KRT86: variants seen among roughly 807,000 people sequenced by gnomAD.
The protein encoded by KRT86 is keratin, type II cuticular Hb6.
KRT86 carries 30 observed loss-of-function variants against 41.2 expected under a neutral mutation model. That is an observed-to-expected ratio of 0.73 (90% CI 0.54 to 0.99). KRT86 has a LOEUF of 0.99. KRT86 is among the 50% of genes least tolerant of loss of function. KRT86 has a pLI of 0.00. For synonymous variants in KRT86, 238 were observed against 238.1 expected, an observed-to-expected ratio of 1.00 and a Z score of 0.00; for missense variants, 561 against 571.4, an observed-to-expected ratio of 0.98 and a Z score of 0.19.
At chr12:52,301,012 C>T (rs562888737) in intron 2 of KRT86, among the ~76,000 whole-genome samples, 1 of 152,032 alleles carries the variant, frequency 6.6e-6, no homozygotes, top group Non-Finnish European at 1.5e-5. Context: ...CCGAGGCTGG[C>T]CAATATGACC....
At chr12:52,278,311 G>A (rs1482579046) in intron 2 of KRT86, among the ~76,000 whole-genome samples, 1 of 152,154 alleles carries the variant, frequency 6.6e-6, no homozygotes, top group African/African-American at 2.4e-5. Flanking sequence ...GAGGTTAAGT[G>A]ACAGCTTTAG....
rs1407195598 is a variant in KRT86, at chr12:52,301,985, C to T, written c.69C>T (p.Gly23=). 21 of 1,613,118 alleles carry T rather than the reference C, an allele frequency of 1.3e-5. 1 individual carries two copies. The Admixed American group carries it at 1.7e-4, about 13-fold the overall frequency. ...TCTCGGCCTGCGGGCCCCGGCCCGG[C>T]CGCTGCTGCATCACCGCCGCCCCCT... is the stretch of plus-strand genomic sequence containing the variant. ...SCISACGPRP[G]RCCITAAPYR... Residue 23 remains glycine (G), a synonymous_variant, in exon 3 of 11, where the codon GGC becomes GGT. Coordinates refer to ENST00000423955, the MANE Select transcript of KRT86 (RefSeq NM_001320198.2).
intron 2 of KRT86, among the ~76,000 whole-genome samples, chr12:52,279,960 T>G (rs1016202602): frequency 6.6e-6 from 1 of 152,128 alleles, no homozygotes; most frequent in Non-Finnish European, 1.5e-5. Context: ...AGGTGGGCCA[T>G]AGACGAGGAA....
chr12:52,304,580 A>G (rs1938457248), intron 5 of KRT86, among the ~76,000 whole-genome samples: 1 of 151,852 alleles, frequency 6.6e-6, no homozygotes, highest in Admixed American at 6.6e-5. Context: ...AAGAACCAGG[A>G]GTAGCCCTTG....
chr12:52,287,985 T>A (rs754935498), intron 2 of KRT86: 2 of 1,614,210 alleles, frequency 1.2e-6, no homozygotes, highest in Non-Finnish European at 1.7e-6. Flanking sequence ...GCCACTCACC[T>A]TGCTGCGGTA....
In KRT86 at chr12:52,291,506, G is replaced by A. The variant is rs189745410; in HGVS notation, c.-4-10407G>A. On this transcript the variant is annotated intron_variant, in intron 2 of 10. Coordinates refer to ENST00000423955, the MANE Select transcript of KRT86 (RefSeq NM_001320198.2). Reference sequence around the variant, plus strand: ...TTGGGTTGCAGAGGACAGGATAGGGGACCTGGAGTCCTGATGGAAACTCCA... The same window carrying A: ...TTGGGTTGCAGAGGACAGGATAGGGAACCTGGAGTCCTGATGGAAACTCCA... 3,180 of 1,608,558 alleles carry A rather than the reference G, an allele frequency of 2.0e-3. 9 individuals are homozygous for A. The highest frequency in any genetic ancestry group is 2.5e-3 in the Non-Finnish European group (2,897 of 1,177,120).
intron 2 of KRT86, among the ~76,000 whole-genome samples, chr12:52,288,660 CTCACCAGCCTT>C (rs1240035508): frequency 6.6e-6 from 1 of 152,130 alleles, no homozygotes; most frequent in Non-Finnish European, 1.5e-5. Flanking sequence ...TTGACCATGC[CTCACCAGCCTT>C]TCACCCCTCC....
At chr12:52,296,363 A>G (rs959270229) in intron 2 of KRT86, among the ~76,000 whole-genome samples, 1 of 152,136 alleles carries the variant, frequency 6.6e-6, no homozygotes, top group Middle Eastern at 3.2e-3. Context: ...GGGAAGCAGC[A>G]CAGCACCAAG....
intron 2 of KRT86, among the ~76,000 whole-genome samples, chr12:52,283,439 T>G (rs1592418613): frequency 7.2e-6 from 1 of 139,404 alleles, no homozygotes; most frequent in Admixed American, 7.2e-5. Context: ...TTTAAATTGG[T>G]AAGGGATGTT....
At position 52,308,879 on chromosome 12, in the gene KRT86, T is replaced by C; in HGVS notation, c.*294T>C. ...CTGTTTTTTTTGCTGTATACATTGG[T>C]CTTGCCTGAGCTCTTCCCCAAAGCT... On this transcript the variant is annotated 3_prime_UTR_variant, in exon 11 of 11. Transcript: ENST00000423955. 1 of 439,450 alleles carries C rather than the reference T, an allele frequency of 2.3e-6. No homozygotes were observed. The allele number at this position is 439,450 out of a possible 1,614,324, so 27.2% of individuals were successfully genotyped here.
At chr12:52,294,703 G>C (rs763458948) in intron 2 of KRT86, among the ~76,000 whole-genome samples, 2 of 151,858 alleles carry the variant, frequency 1.3e-5, no homozygotes, top group African/African-American at 4.8e-5. Context: ...TATTTCAGGA[G>C]CTTCCTATGT....
rs1938576396 is a variant in KRT86 at position 52,308,698 on chromosome 12, T to C, written c.*113T>C. 6 of 1,063,322 alleles carry C rather than the reference T, an allele frequency of 5.6e-6. No individual in the cohort carries two copies. The highest frequency in any genetic ancestry group is 8.3e-6 in the Non-Finnish European group (6 of 725,948). The allele number at this position is 1,063,322 out of a possible 1,614,324, so 65.9% of individuals were successfully genotyped here. ...CTCCCAATAGCCGCCGCCCGCTGCC[T>C]GCACTCTAAGCGCCCTCCCCACCGC... On this transcript the variant is annotated 3_prime_UTR_variant, in exon 11 of 11. Transcript: ENST00000423955.
intron 2 of KRT86, among the ~76,000 whole-genome samples, chr12:52,295,901 G>A (rs1287405565): frequency 1.3e-5 from 2 of 152,102 alleles, no homozygotes; most frequent in East Asian, 3.9e-4. Flanking sequence ...TCCTGGGGGT[G>A]GGGGTGGAGA....
At position 52,308,989 on chromosome 12, in the gene KRT86, G is replaced by C. The variant is rs1434983137; in HGVS notation, c.*404G>C. 8.1e-6 allele frequency: 2 copies of C among 247,290 alleles called. No homozygotes were observed. Among genetic ancestry groups the C allele is most frequent in the Non-Finnish European group, 1.6e-5 (2 of 127,576 alleles). 15.3% of individuals were successfully genotyped at this position (247,290 alleles called of 1,614,324 possible). A position where few individuals can be genotyped will look rare whatever the true frequency, so the allele number is the denominator to read the frequency against. ...GTGCTTTTGCCTGTGGAATGGAGAC[G>C]CGGACCCTGGATAGTGGTTCTATGA... On this transcript the variant is annotated 3_prime_UTR_variant, in exon 11 of 11. Coordinates refer to ENST00000423955, the MANE Select transcript of KRT86 (RefSeq NM_001320198.2).
intron 2 of KRT86, among the ~76,000 whole-genome samples, chr12:52,283,011 A>G (rs1433336164): frequency 6.6e-6 from 1 of 152,184 alleles, no homozygotes; most frequent in Non-Finnish European, 1.5e-5. Flanking sequence ...GAATGAATAT[A>G]CAAACAACAT....
rs1942533625 is a variant in KRT86 at position 52,274,686 on chromosome 12, A to G, written c.-167A>G. On this transcript the variant is annotated 5_prime_UTR_variant, in exon 1 of 11. Transcript: ENST00000423955. ...GGCTGAAGCTGGGCTTTGGTGCTCA[A>G]GAGAGGCTTGGAGGAGACCACAGTT... The G allele has an allele frequency of 1.7e-5, 17 of 985,388 alleles. No individual in the cohort carries two copies. The highest frequency in any genetic ancestry group is 1.9e-5 in the Non-Finnish European group (16 of 829,908). 61.0% of individuals were successfully genotyped at this position (985,388 alleles called of 1,614,324 possible). A position where few individuals can be genotyped will look rare whatever the true frequency, so the allele number is the denominator to read the frequency against.
At chr12:52,300,281 T>C (rs1938342709) in intron 2 of KRT86, among the ~76,000 whole-genome samples, 1 of 152,204 alleles carries the variant, frequency 6.6e-6, no homozygotes, top group Non-Finnish European at 1.5e-5. Context: ...AATCTGCTAT[T>C]TTCTGGTCTA....
rs1938570386 is a variant in KRT86 at position 52,308,506 on chromosome 12, A to G, written c.1382A>G (p.Asn461Ser). 6.2e-7 allele frequency: 1 copy of G among 1,607,342 alleles called. No homozygotes were observed. The highest frequency in any genetic ancestry group is 1.1e-5 in the South Asian group (1 of 91,086). ...GTCAGTAGCGTCCCCAGCAACAGCA[A>G]CGTGGTGGTGGGCACTACTAACGCC... ...TRVSSVPSNS[N>S]VVVGTTNACA... The change falls in exon 11 of 11, where the codon AAC (asparagine) becomes AGC (serine). Residue 461 changes from asparagine to serine, a missense_variant. Physicochemically the swap from Asn to Ser is conservative, Grantham distance 46. This residue lies in a region of KRT86 where 397 missense variants were observed against 375.9 expected (regional missense o/e 1.06). Transcript: ENST00000423955.
chr12:52,276,568 C>T (rs1945301), intron 2 of KRT86, among the ~76,000 whole-genome samples: 122,592 of 152,096 alleles, frequency 0.81, 49,554 homozygotes, highest in Non-Finnish European at 0.83. Flanking sequence ...TCAATGTCGC[C>T]AGAGAAATGC....
Sources: gnomAD v4.1 joint callset for allele counts (sites outside exome capture counted in the v4.1 genomes callset) on GRCh38, gnomAD v4.1.1 for gene constraint, gnomAD v4.1.1 regional missense constraint, MANE v1.5 for transcripts, NCBI Gene and HGNC (gene_info 2026-07-23, HGNC 2026-07-21) for gene names.